The following COLGALT2 variants were observed in gnomAD, a reference collection of about 807,000 sequenced individuals.
COLGALT2 encodes procollagen galactosyltransferase 2.
Under a neutral mutation model 73.4 loss-of-function variants are expected in COLGALT2, and 49 were observed. That is an observed-to-expected ratio of 0.67 (90% CI 0.53 to 0.85). COLGALT2 has a LOEUF of 0.85. Ranked by LOEUF, COLGALT2 falls within the 40% of genes least tolerant of loss-of-function variation. The pLI is 0.00. For synonymous variants in COLGALT2, 295 were observed against 307.6 expected, an observed-to-expected ratio of 0.96 and a Z score of 0.43; for missense variants, 722 against 790.2, an observed-to-expected ratio of 0.91 and a Z score of 1.03.
chr1:183,957,651 T>G (rs1670588410), intron 6 of COLGALT2, among the ~76,000 whole-genome samples: 1 of 152,196 alleles, frequency 6.6e-6, no homozygotes, highest in Non-Finnish European at 1.5e-5. Context: ...GTTGTCAAAA[T>G]AATCTTCCGC....
chr1:183,945,699 T>C, intron 8 of COLGALT2, 135 bp from the exon 9 acceptor site: 2 of 1,011,326 alleles, frequency 2.0e-6, no homozygotes, highest in East Asian at 2.5e-5. Flanking sequence ...CTTTATTCCT[T>C]AGAAGTTCCT....
Position 184,037,377 on chromosome 1 carries a change from G to T in COLGALT2, c.-20C>A. 1 of 1,393,470 alleles carries T rather than the reference G, an allele frequency of 7.2e-7. No individual in the cohort carries two copies. Among genetic ancestry groups the T allele is most frequent in the Non-Finnish European group, 9.3e-7 (1 of 1,073,096 alleles). The allele number at this position is 1,393,470 out of a possible 1,614,324, so 86.3% of individuals were successfully genotyped here. On this transcript the variant is annotated 5_prime_UTR_variant, in exon 1 of 12. Coordinates refer to ENST00000361927, the MANE Select transcript of COLGALT2 (RefSeq NM_015101.4). ...AGCCATGTTCCGGGCCGAGGCGGGC[G>T]GCGGGGAAGTCCTGGCGCGAGCGCC... is the stretch of plus-strand genomic sequence containing the variant.
intron 1 of COLGALT2, among the ~76,000 whole-genome samples, chr1:184,030,793 C>A (rs1649489735): frequency 6.6e-6 from 1 of 152,150 alleles, no homozygotes; most frequent in Admixed American, 6.5e-5. Context: ...TCCCCATGCT[C>A]CTTTAAACCA....
At chr1:183,991,861 AT>A (rs925442790) in intron 1 of COLGALT2, among the ~76,000 whole-genome samples, 307 of 147,558 alleles carry the variant, frequency 2.1e-3, no homozygotes, top group African/African-American at 5.1e-3. Flanking sequence ...TTCTGATGGT[AT>A]TTTTTTTTTT....
At position 183,937,021 on chromosome 1, in the gene COLGALT2, G is replaced by A; in HGVS notation, c.*1740C>T. 1 of 1,231,746 alleles carries A rather than the reference G, an allele frequency of 8.1e-7. No individual in the cohort carries two copies. Among genetic ancestry groups the A allele is most frequent in the Admixed American group, 4.2e-5 (1 of 23,726 alleles). The allele number at this position is 1,231,746 out of a possible 1,614,324, so 76.3% of individuals were successfully genotyped here. The stretch of plus-strand genomic sequence containing the variant: ...GGTGATCACTTTCTCTAGACTCTGA[G>A]CCATGCTGTTCAACCTTAATGTGGC... On this transcript the variant is annotated 3_prime_UTR_variant, in exon 12 of 12. Transcript: ENST00000361927.
At chr1:184,000,901 C>G (rs1671903383) in intron 1 of COLGALT2, among the ~76,000 whole-genome samples, 1 of 148,790 alleles carries the variant, frequency 6.7e-6, no homozygotes, top group South Asian at 2.1e-4. Flanking sequence ...GCGATCTCGG[C>G]TCACTGCAAG....
At chr1:184,000,867 T>C (rs1236391782) in intron 1 of COLGALT2, among the ~76,000 whole-genome samples, 1 of 149,024 alleles carries the variant, frequency 6.7e-6, no homozygotes, top group African/African-American at 2.5e-5. Context: ...TCTCGCTCTG[T>C]CGCCCAGGCT....
downstream of COLGALT2, among the ~76,000 whole-genome samples, chr1:183,934,661 T>C (rs1348961694): frequency 1.3e-5 from 2 of 152,218 alleles, no homozygotes; most frequent in Admixed American, 6.5e-5. Context: ...ATTTCTTTCC[T>C]CTGTTTAGTT....
At chr1:183,930,234 G>A (rs762031487) in exon 12 of COLGALT2, 21 of 456,246 alleles carry the variant, frequency 4.6e-5, no homozygotes, top group East Asian at 2.8e-4. Flanking sequence ...TTTGTTCACC[G>A]TTGGCAGTCA....
In COLGALT2 at chr1:183,999,249, G is replaced by A. The variant is rs992953660; in HGVS notation, c.264-20729C>T. Among the ~76,000 whole-genome samples the A allele has an allele frequency of 2.6e-5, 4 of 151,838 alleles. No homozygotes were observed. The East Asian group carries it at 5.8e-4, about 22-fold the overall frequency. On this transcript the variant is annotated intron_variant, in intron 1 of 11. Coordinates refer to ENST00000361927, the MANE Select transcript of COLGALT2 (RefSeq NM_015101.4). ...TATGGCTTTTTCCCGTTAATTTGTC[G>A]ATATGATAAAATGCATCTGTAGATT...
intron 1 of COLGALT2, among the ~76,000 whole-genome samples, chr1:184,025,511 C>T (rs1033004674): frequency 4.6e-5 from 7 of 152,282 alleles, no homozygotes; most frequent in Admixed American, 1.3e-4. Context: ...TAGATGTGCT[C>T]AGAAGTCTTG....
intron 6 of COLGALT2, 67 bp downstream of exon 6, chr1:183,963,834 G>T: frequency 7.1e-7 from 1 of 1,407,060 alleles, no homozygotes; most frequent in Non-Finnish European, 9.4e-7. Context: ...GAAGAGGAGG[G>T]AAGTGGCTGG....
In COLGALT2 at chr1:183,936,234, C is replaced by T. The variant is rs893490069; in HGVS notation, c.*2527G>A. The stretch of plus-strand genomic sequence containing the variant: ...AGGTCAAATGTCAAAGGTCAAATGT[C>T]TTGGCTTAGGACTATAAGGGAGAGA... On this transcript the variant is annotated 3_prime_UTR_variant, in exon 12 of 12. Transcript: ENST00000361927. 9.1e-6 allele frequency: 9 copies of T among 985,590 alleles called. No individual in the cohort carries two copies. Among genetic ancestry groups the T allele is most frequent in the Non-Finnish European group, 1.1e-5 (9 of 829,962 alleles). The allele number at this position is 985,590 out of a possible 1,614,324, so 61.1% of individuals were successfully genotyped here.
At chr1:184,035,146 C>T (rs1381479308) in intron 1 of COLGALT2, among the ~76,000 whole-genome samples, 2 of 93,010 alleles carry the variant, frequency 2.2e-5, no homozygotes, top group Non-Finnish European at 4.7e-5. Flanking sequence ...AAGTAAGACA[C>T]CAGTGTCCAT....
chr1:183,990,234 C>A (rs568369898), intron 1 of COLGALT2, among the ~76,000 whole-genome samples: 10 of 152,220 alleles, frequency 6.6e-5, no homozygotes, highest in African/African-American at 2.4e-4. Context: ...CTTCTGTTTA[C>A]TCCTCCATTC....
chr1:184,001,350 T>A (rs765989506), intron 1 of COLGALT2, among the ~76,000 whole-genome samples: 3 of 152,206 alleles, frequency 2.0e-5, no homozygotes, highest in Admixed American at 6.5e-5. Context: ...TTCATTGGAA[T>A]CTGGATCTGA....
intron 1 of COLGALT2, among the ~76,000 whole-genome samples, chr1:184,030,051 G>T (rs1557867762): frequency 6.6e-6 from 1 of 152,132 alleles, no homozygotes; most frequent in Non-Finnish European, 1.5e-5. Flanking sequence ...AGAGTAGATG[G>T]GAGATTTACT....
chr1:183,985,248 G>A (rs10911480), intron 1 of COLGALT2, among the ~76,000 whole-genome samples: 28,737 of 152,014 alleles, frequency 0.19, 3,011 homozygotes, highest in East Asian at 0.41. Flanking sequence ...GGTGGGACAC[G>A]GAAACTGAGG....
chr1:183,959,419 A>G (rs1404356534), intron 6 of COLGALT2, among the ~76,000 whole-genome samples: 1 of 152,134 alleles, frequency 6.6e-6, no homozygotes, highest in Non-Finnish European at 1.5e-5. Context: ...CCCAACCCCC[A>G]GTCTTTTTCT....
Sources: gnomAD v4.1 joint callset for allele counts (sites outside exome capture counted in the v4.1 genomes callset) on GRCh38, gnomAD v4.1.1 for gene constraint, MANE v1.5 for transcripts, NCBI Gene and HGNC (gene_info 2026-07-23, HGNC 2026-07-21) for gene names.